GPR176: variants seen among roughly 807,000 people sequenced by gnomAD.
GPR176 encodes the protein G-protein coupled receptor 176.
A neutral mutation model predicts 35.4 loss-of-function variants in GPR176; 26 were observed. That is an observed-to-expected ratio of 0.74 (90% CI 0.54 to 1.02). The LOEUF is 1.02. GPR176 is among the 50% of genes least tolerant of loss of function. GPR176 has a pLI of 0.00. For synonymous variants in GPR176, 278 were observed against 271.3 expected (o/e 1.02, Z -0.24); for missense variants, 597 against 665.3 (o/e 0.90, Z 1.13).
intron 1 of GPR176, among the ~76,000 whole-genome samples, chr15:39,857,982 A>C (rs1431495216): frequency 6.6e-6 from 1 of 151,532 alleles, no homozygotes; most frequent in Non-Finnish European, 1.5e-5. Flanking sequence ...AAAAAAAAAA[A>C]AAAAGAAAGA....
chr15:39,845,897 T>C (rs975936180), intron 1 of GPR176, among the ~76,000 whole-genome samples: 2 of 152,152 alleles, frequency 1.3e-5, no homozygotes, highest in African/African-American at 4.8e-5. Context: ...AGAATGTTAA[T>C]TTTAAAAAGG....
chr15:39,835,240 G>A (rs987532167), intron 1 of GPR176, among the ~76,000 whole-genome samples: 3 of 151,816 alleles, frequency 2.0e-5, no homozygotes, highest in Non-Finnish European at 2.9e-5. Flanking sequence ...GGCTGGTCTC[G>A]AACTCCTGAC....
At chr15:39,844,798 T>C (rs1316021950) in intron 1 of GPR176, among the ~76,000 whole-genome samples, 1 of 152,064 alleles carries the variant, frequency 6.6e-6, no homozygotes, top group Non-Finnish European at 1.5e-5. Context: ...CCTCAACCTC[T>C]TCCCTCCTGA....
intron 2 of GPR176, among the ~76,000 whole-genome samples, chr15:39,804,163 G>A (rs531887377): frequency 5.9e-5 from 9 of 152,260 alleles, no homozygotes; most frequent in African/African-American, 2.2e-4. Context: ...TACATGTTGG[G>A]AAACAGATTG....
intron 1 of GPR176, among the ~76,000 whole-genome samples, chr15:39,822,794 A>C (rs897433310): frequency 6.6e-6 from 1 of 152,250 alleles, no homozygotes; most frequent in African/African-American, 2.4e-5. Context: ...TGAAATCAGA[A>C]AATGTAGCTC....
At chr15:39,847,740 C>CT (rs2030543302) in intron 1 of GPR176, among the ~76,000 whole-genome samples, 1 of 46,794 alleles carries the variant, frequency 2.1e-5, no homozygotes, top group Non-Finnish European at 3.7e-5. Context: ...GAGACTCTGT[C>CT]TCAAAAAAAA....
intron 1 of GPR176, among the ~76,000 whole-genome samples, chr15:39,908,515 C>A (rs1164855056): frequency 6.6e-6 from 1 of 151,928 alleles, no homozygotes; most frequent in Non-Finnish European, 1.5e-5. Flanking sequence ...GACAGAAACC[C>A]AACTCAAACA....
At chr15:39,857,881 G>A (rs1302354909) in intron 1 of GPR176, among the ~76,000 whole-genome samples, 3 of 150,482 alleles carry the variant, frequency 2.0e-5, no homozygotes, top group Non-Finnish European at 4.4e-5. Context: ...TGAGGCAGGA[G>A]AATGGCGTGA....
At chr15:39,855,804 A>G (rs2031177339) in intron 1 of GPR176, among the ~76,000 whole-genome samples, 1 of 152,182 alleles carries the variant, frequency 6.6e-6, no homozygotes, top group African/African-American at 2.4e-5. Context: ...TGATCAAATA[A>G]AGACAGTTAA....
intron 1 of GPR176, chr15:39,829,012 T>C: frequency 1.4e-6 from 1 of 705,376 alleles, no homozygotes; most frequent in Admixed American, 2.0e-5. Flanking sequence ...TTGCAAGAAC[T>C]CAATGAGTTA....
At chr15:39,812,885 TG>T (rs1899667086) in intron 1 of GPR176, among the ~76,000 whole-genome samples, 1 of 151,770 alleles carries the variant, frequency 6.6e-6, no homozygotes, top group South Asian at 2.1e-4. Flanking sequence ...CTGGGACTAC[TG>T]GTGCATACTA....
chr15:39,903,772 T>C (rs1389487054), intron 1 of GPR176, among the ~76,000 whole-genome samples: 1 of 152,096 alleles, frequency 6.6e-6, no homozygotes, highest in Non-Finnish European at 1.5e-5. Context: ...TAAATTAACA[T>C]AGTGTCTGGT....
At chr15:39,852,712 G>C (rs969444903) in intron 1 of GPR176, among the ~76,000 whole-genome samples, 3 of 152,104 alleles carry the variant, frequency 2.0e-5, no homozygotes, top group African/African-American at 7.2e-5. Flanking sequence ...ATGAATATCA[G>C]CTCAAAACTA....
chr15:39,882,549 C>G lies in GPR176; in HGVS notation c.172+37306G>C, dbSNP rs553414426. ...AATAATATAAATTGGAAAAGGTTCA[C>G]TAGGATCAGTGCTGATGAAATAACC... On this transcript the variant is annotated intron_variant, in intron 1 of 2. Coordinates refer to ENST00000561100, the MANE Select transcript of GPR176 (RefSeq NM_007223.3). 4.6e-4 allele frequency among the ~76,000 whole-genome samples: 70 copies of G among 152,284 alleles called. 1 individual carries two copies. The South Asian group carries it at 0.013, about 28-fold the overall frequency.
chr15:39,869,152 T>TAAAAA (rs66463189), intron 1 of GPR176, among the ~76,000 whole-genome samples: 9 of 130,006 alleles, frequency 6.9e-5, no homozygotes, highest in African/African-American at 2.0e-4. Context: ...AACTGCTTTT[T>TAAAAA]AAAAAAAAAA....
chr15:39,841,130 C>T (rs1322326216), intron 1 of GPR176, among the ~76,000 whole-genome samples: 1 of 152,094 alleles, frequency 6.6e-6, no homozygotes, highest in African/African-American at 2.4e-5. Flanking sequence ...TGTAGTTGAT[C>T]ATTTAACACT....
At position 39,835,999 on chromosome 15, in the gene GPR176, G is replaced by A. The variant is rs369864603; in HGVS notation, c.173-28741C>T. Among the ~76,000 whole-genome samples the A allele has an allele frequency of 7.1e-4, 108 of 152,308 alleles. 1 individual carries two copies. The highest frequency in any genetic ancestry group is 2.4e-3 in the African/African-American group (101 of 41,570). ...AATCCCAGCTACTCAGGAGGCTGAG[G>A]CACAAGAATTGCTTAAACCTGGGAG... On this transcript the variant is annotated intron_variant, in intron 1 of 2. Coordinates refer to ENST00000561100, the MANE Select transcript of GPR176 (RefSeq NM_007223.3).
chr15:39,880,874 A>G (rs1233491447), intron 1 of GPR176, among the ~76,000 whole-genome samples: 1 of 152,182 alleles, frequency 6.6e-6, no homozygotes, highest in Non-Finnish European at 1.5e-5. Context: ...CGACAGCCTC[A>G]TAATTAGTCT....
chr15:39,838,698 T>G (rs989725253), intron 1 of GPR176, among the ~76,000 whole-genome samples: 1 of 152,150 alleles, frequency 6.6e-6, no homozygotes, highest in Non-Finnish European at 1.5e-5. Context: ...TAATAAGAGC[T>G]ATTTATGACA....
Sources: gnomAD v4.1 joint callset for allele counts (sites outside exome capture counted in the v4.1 genomes callset) on GRCh38, gnomAD v4.1.1 for gene constraint, MANE v1.5 for transcripts, NCBI Gene and HGNC (gene_info 2026-07-23, HGNC 2026-07-21) for gene names.